MTR: variants seen among roughly 807,000 people sequenced by gnomAD.
MTR encodes the protein methionine synthase.
In MTR, 84 loss-of-function variants were observed where a neutral mutation model predicts 154.8. The ratio of observed to expected loss-of-function variants is 0.54; its 90% CI spans 0.45 to 0.65. MTR has a LOEUF of 0.65. Ranked by LOEUF, MTR falls within the 30% of genes least tolerant of loss-of-function variation. The pLI, the probability that MTR is intolerant of heterozygous loss-of-function variation, is 0.00. For synonymous variants in MTR, 554 were observed against 553.9 expected, an observed-to-expected ratio of 1.00 and a Z score of 0.00; for missense variants, 1,275 against 1,570.2, an observed-to-expected ratio of 0.81 and a Z score of 3.18.
At chr1:236,860,998 C>G (rs1664501981) in intron 19 of MTR, 127 bp from the exon 20 acceptor site, 2 of 758,576 alleles carry the variant, frequency 2.6e-6, no homozygotes, top group Non-Finnish European at 4.2e-6. Context: ...TGAGTCCATG[C>G]ACTCTGCTTC....
At chr1:236,866,909 C>T (rs1408601956) in intron 22 of MTR, among the ~76,000 whole-genome samples, 2 of 152,152 alleles carry the variant, frequency 1.3e-5, no homozygotes, top group Admixed American at 6.5e-5. Flanking sequence ...GAAGAAGCTG[C>T]AGAAGAAAAG....
chr1:236,796,617 T>G (rs751071461), intron 1 of MTR, among the ~76,000 whole-genome samples: 16 of 141,480 alleles, frequency 1.1e-4, no homozygotes, highest in Non-Finnish European at 1.9e-4. Flanking sequence ...TCTTGATTCT[T>G]GGGTTCTGAT....
rs2103057642 is a variant in MTR at position 236,815,510 on chromosome 1, A to G, written c.610-94A>G. 5.1e-6 allele frequency: 6 copies of G among 1,186,374 alleles called. No homozygotes were observed. The East Asian group carries it at 1.4e-4, about 28-fold the overall frequency. The allele number at this position is 1,186,374 out of a possible 1,614,324, so 73.5% of individuals were successfully genotyped here. On this transcript the variant is annotated intron_variant, in intron 6 of 32. Coordinates refer to ENST00000366577, the MANE Select transcript of MTR (RefSeq NM_000254.3). ...AGCTTGATGTATATCTTATCTGAAG[A>G]GGTCTTAGAAAAGGGTGCATTCTAA...
intron 16 of MTR, among the ~76,000 whole-genome samples, 181 bp downstream of exon 16, chr1:236,850,704 G>A (rs1477554087): frequency 6.6e-6 from 1 of 152,100 alleles, no homozygotes; most frequent in African/African-American, 2.4e-5. Flanking sequence ...TTTAACTTGT[G>A]TAACAAACAG....
rs1327102176 is a variant in MTR, at chr1:236,887,303, G to C, written c.2851+936G>C. Among the ~76,000 whole-genome samples the C allele has an allele frequency of 2.6e-5, 4 of 152,266 alleles. No homozygotes were observed. The East Asian group carries it at 7.7e-4, about 29-fold the overall frequency. ...TTTGGTGGAAAGAATGCCATATTGG[G>C]AGCCTGGAGCTCGGGGTTCTCATCC... On this transcript the variant is annotated intron_variant, in intron 27 of 32. Transcript: ENST00000366577.
intron 9 of MTR, 70 bp from the exon 10 acceptor site, chr1:236,825,268 T>C (rs1237730380): frequency 9.0e-7 from 1 of 1,114,364 alleles, no homozygotes; most frequent in African/African-American, 1.6e-5. Flanking sequence ...GTTATTAACA[T>C]AAAGTCTTTA....
Position 236,899,572 on chromosome 1 carries a change from A to G in MTR, c.*1928A>G, listed in dbSNP as rs1223900686. Reference sequence around the variant, plus strand: ...GCAAAAATTGTCAGTGTTTGGATGAAAAAAGCCTTAGGGCAGGAAAGAATC... The same window carrying G: ...GCAAAAATTGTCAGTGTTTGGATGAGAAAAGCCTTAGGGCAGGAAAGAATC... On this transcript the variant is annotated 3_prime_UTR_variant, in exon 33 of 33. Transcript: ENST00000366577. 6.6e-6 allele frequency: 1 copy of G among 152,252 alleles called. No homozygotes were observed. Among genetic ancestry groups the G allele is most frequent in the Non-Finnish European group, 1.5e-5 (1 of 68,046 alleles). 9.4% of individuals were successfully genotyped at this position (152,252 alleles called of 1,614,324 possible).
intron 15 of MTR, among the ~76,000 whole-genome samples, chr1:236,841,484 A>C (rs149627018): frequency 5.8e-4 from 88 of 152,288 alleles, no homozygotes; most frequent in Non-Finnish European, 1.0e-3. Context: ...GAGGACTGTC[A>C]TACTACTTTT....
Position 236,808,758 on chromosome 1 carries a change from G to T in MTR, c.394G>T (p.Val132Leu). ...AGTGGCCAGAAAAGCTGCCGAGGAG[G>T]TAACTCTCCAGACAGGTAGGGAATG... ...AGVARKAAEE[V>L]TLQTGIKRFV... is the part of the protein sequence containing the mutation. The change falls in exon 4 of 33, where the codon GTA (valine) becomes TTA (leucine). Residue 132 changes from valine (V) to leucine (L), a missense_variant. Val to Leu is a conservative substitution (Grantham distance 32). Coordinates refer to ENST00000366577, the MANE Select transcript of MTR (RefSeq NM_000254.3). 6.2e-7 allele frequency: 1 copy of T among 1,614,162 alleles called. No individual in the cohort carries two copies. Among genetic ancestry groups the T allele is most frequent in the Non-Finnish European group, 8.5e-7 (1 of 1,180,010 alleles).
chr1:236,802,533 A>G (rs2103009988), intron 1 of MTR, among the ~76,000 whole-genome samples: 1 of 152,254 alleles, frequency 6.6e-6, no homozygotes, highest in Admixed American at 6.5e-5. Flanking sequence ...CCTTAGGTAC[A>G]GAAAGAAGGG....
intron 28 of MTR, among the ~76,000 whole-genome samples, chr1:236,889,996 A>G (rs992777857): frequency 6.6e-6 from 1 of 152,166 alleles, no homozygotes; most frequent in Non-Finnish European, 1.5e-5. Flanking sequence ...CTTACCCCAG[A>G]ATCCACCGAC....
rs2102981801 is a variant in MTR, at chr1:236,795,513, G to A, written c.-191G>A. The A allele has an allele frequency of 6.6e-7, 1 of 1,525,026 alleles. No homozygotes were observed. The highest frequency in any genetic ancestry group is 1.7e-4 in the Middle Eastern group (1 of 5,926). 94.5% of individuals were successfully genotyped at this position (1,525,026 alleles called of 1,614,324 possible). ...AGTTGCCGCGCCCAGCCCCGAGAGAGGCCCTAGGGCGCTGCGGGCTTTCGG... is the reference window on the plus strand; with the variant it reads ...AGTTGCCGCGCCCAGCCCCGAGAGAAGCCCTAGGGCGCTGCGGGCTTTCGG... On this transcript the variant is annotated 5_prime_UTR_variant, in exon 1 of 33. Transcript: ENST00000366577.
At chr1:236,865,880 C>A (rs1010876532) in intron 22 of MTR, among the ~76,000 whole-genome samples, 1 of 151,816 alleles carries the variant, frequency 6.6e-6, no homozygotes, top group African/African-American at 2.4e-5. Flanking sequence ...TACTACCCTG[C>A]CTGTTATTGT....
At chr1:236,879,190 G>A (rs1056692588) in intron 24 of MTR, among the ~76,000 whole-genome samples, 2 of 152,180 alleles carry the variant, frequency 1.3e-5, no homozygotes, top group Non-Finnish European at 2.9e-5. Context: ...GGAATGTAAA[G>A]TACAATTGAA....
chr1:236,890,720 G>A lies in MTR; in HGVS notation c.3008-413G>A, dbSNP rs554010511. ...AATTATATTGTAGTTGGGATTAAAA[G>A]CACCACGGAATACGAGGCACAGGTC... On this transcript the variant is annotated intron_variant, in intron 28 of 32. Transcript: ENST00000366577. 6.6e-5 allele frequency among the ~76,000 whole-genome samples: 10 copies of A among 152,282 alleles called. No homozygotes were observed. The East Asian group carries it at 1.7e-3, about 26-fold the overall frequency.
At chr1:236,825,446 T>G (rs757377541) in intron 10 of MTR, 47 bp downstream of exon 10, 2 of 1,497,460 alleles carry the variant, frequency 1.3e-6, no homozygotes, top group Admixed American at 3.3e-5. Flanking sequence ...ACAGAAAGAT[T>G]GAATTTTAGA....
At chr1:236,848,615 C>T (rs190996684) in intron 15 of MTR, among the ~76,000 whole-genome samples, 6 of 152,274 alleles carry the variant, frequency 3.9e-5, no homozygotes, top group African/African-American at 1.2e-4. Flanking sequence ...GAGAAAATTC[C>T]ATTAAGGAAG....
At chr1:236,891,634 C>A (rs543148131) in intron 29 of MTR, among the ~76,000 whole-genome samples, 1 of 152,128 alleles carries the variant, frequency 6.6e-6, no homozygotes, top group East Asian at 1.9e-4. Flanking sequence ...TCTCAGTCTT[C>A]TTAGCTTCTG....
Position 236,850,502 on chromosome 1 carries a change from C to T in MTR, c.1674C>T (p.Ile558=). The change falls in exon 16 of 33, where the codon ATC becomes ATT. Residue 558 remains isoleucine, a synonymous_variant. Coordinates refer to ENST00000366577, the MANE Select transcript of MTR (RefSeq NM_000254.3). ...EEHNLYAINF[I]HATKVIKETL... is the part of the protein sequence containing the mutation. Reference sequence around the variant, plus strand: ...ACAACTTGTATGCCATTAATTTTATCCATGCAACAAAAGTCATTAAAGTAA... The same window carrying T: ...ACAACTTGTATGCCATTAATTTTATTCATGCAACAAAAGTCATTAAAGTAA... 1.2e-6 allele frequency: 2 copies of T among 1,613,600 alleles called. No individual in the cohort carries two copies. The highest frequency in any genetic ancestry group is 1.7e-6 in the Non-Finnish European group (2 of 1,179,782).
Sources: gnomAD v4.1 joint callset for allele counts (sites outside exome capture counted in the v4.1 genomes callset) on GRCh38, gnomAD v4.1.1 for gene constraint, MANE v1.5 for transcripts, NCBI Gene and HGNC (gene_info 2026-07-23, HGNC 2026-07-21) for gene names.